The following DHRS12 variants were observed in gnomAD, a reference collection of about 807,000 sequenced individuals.
The protein encoded by DHRS12 is dehydrogenase/reductase SDR family member 12.
DHRS12 carries 29 observed loss-of-function variants against 32.1 expected under a neutral mutation model. The ratio of observed to expected loss-of-function variants is 0.90; its 90% CI spans 0.67 to 1.23. The LOEUF is 1.23. DHRS12 is among the 50% of genes most tolerant of loss of function. The pLI, the probability that DHRS12 is intolerant of heterozygous loss-of-function variation, is 0.00. For missense variants in DHRS12, 330 were observed against 337.2 expected (o/e 0.98, Z 0.17); for synonymous variants, 150 against 135.9 (o/e 1.10, Z -0.72).
chr13:51,758,116 C>A, the DHRS12 span: 1 of 1,211,056 alleles, frequency 8.3e-7, no homozygotes, highest in Non-Finnish European at 1.2e-6. Flanking sequence ...AAATTTAGAG[C>A]CTAATGTCAT....
At chr13:51,761,450 G>A in the DHRS12 span, 1 of 152,140 alleles carries the variant, frequency 6.6e-6, no homozygotes, top group South Asian at 2.1e-4. Context: ...TCACGTGTCG[G>A]GAGCATCAGG....
intron 1 of DHRS12, among the ~76,000 whole-genome samples, chr13:51,801,801 G>A (rs1955767896): frequency 6.6e-6 from 1 of 152,212 alleles, no homozygotes; most frequent in Non-Finnish European, 1.5e-5. Context: ...CAGGCCTGAA[G>A]AGCCCTTCTC....
At chr13:51,759,944 AAG>A in the DHRS12 span, 1 of 592,802 alleles carries the variant, frequency 1.7e-6, no homozygotes, top group South Asian at 2.6e-5. Context: ...GAGCACTCGC[AAG>A]GGGACTCTTC....
the DHRS12 span, chr13:51,762,199 C>T: frequency 1.3e-5 from 2 of 152,226 alleles, no homozygotes; most frequent in African/African-American, 4.8e-5. Context: ...ATTAGGGCAG[C>T]AAAGGCCCAG....
At chr13:51,766,745 C>A (rs980984709), downstream of DHRS12, 2 of 152,274 alleles carry the variant, frequency 1.3e-5, no homozygotes, top group Non-Finnish European at 2.9e-5. Flanking sequence ...GTACAACTCT[C>A]AATGCGGAGT....
At chr13:51,783,704 T>C (rs1449056006) in intron 4 of DHRS12, among the ~76,000 whole-genome samples, 2 of 152,164 alleles carry the variant, frequency 1.3e-5, no homozygotes, top group African/African-American at 4.8e-5. Context: ...GACCTCTTCT[T>C]AGCCCCCTAG....
chr13:51,793,494 A>G (rs757632659), intron 2 of DHRS12, among the ~76,000 whole-genome samples: 5 of 152,256 alleles, frequency 3.3e-5, no homozygotes, highest in Non-Finnish European at 7.3e-5. Context: ...CACCTGAGAC[A>G]AATGAGACAA....
the DHRS12 span, chr13:51,758,245 A>T: frequency 2.5e-6 from 4 of 1,602,906 alleles, no homozygotes; most frequent in Non-Finnish European, 3.4e-6. Flanking sequence ...GTGCATGTGC[A>T]TTTCGATGCA....
chr13:51,789,906 C>T, intron 4 of DHRS12, 105 bp downstream of exon 4: 2 of 1,408,648 alleles, frequency 1.4e-6, no homozygotes, highest in Non-Finnish European at 1.8e-6. Flanking sequence ...CGTCATCAGG[C>T]CCAGGACCAA....
rs1047376275 is a variant in DHRS12 at position 51,768,204 on chromosome 13, C to T, written c.790G>A (p.Ala264Thr). ...EKLIEILEQL[A>T]QTFK ...GGGTTGGCCTATTTAAATGTCTGAGCCAGCTGTTCCAGGATTTCAATGAGT... is the reference window on the plus strand; with the variant it reads ...GGGTTGGCCTATTTAAATGTCTGAGTCAGCTGTTCCAGGATTTCAATGAGT... Residue 264 changes from alanine (A) to threonine (T), a missense_variant, in exon 9 of 9, where the codon GCT becomes ACT. Transcript: ENST00000444610. 5.9e-6 allele frequency: 9 copies of T among 1,536,156 alleles called. No homozygotes were observed. Among genetic ancestry groups the T allele is most frequent in the Admixed American group, 3.9e-5 (2 of 51,000 alleles).
downstream of DHRS12, chr13:51,766,715 T>C (rs1377810338): frequency 1.3e-5 from 2 of 152,286 alleles, no homozygotes; most frequent in East Asian, 3.8e-4. Flanking sequence ...AACCAAAATA[T>C]ACGTGTAGCC....
chr13:51,800,512 G>A (rs1955703536), intron 1 of DHRS12, among the ~76,000 whole-genome samples: 1 of 152,250 alleles, frequency 6.6e-6, no homozygotes, highest in Admixed American at 6.5e-5. Flanking sequence ...CAGGCAGGCT[G>A]GGGTCTCAGA....
chr13:51,769,315 C>A (rs374934121), intron 7 of DHRS12, 22 bp from the exon 8 acceptor site: 2 of 1,492,018 alleles, frequency 1.3e-6, no homozygotes, highest in East Asian at 4.9e-5. Flanking sequence ...AAGGGTCAGG[C>A]GGATTAGGAC....
intron 2 of DHRS12, among the ~76,000 whole-genome samples, chr13:51,792,833 G>A (rs1003922724): frequency 6.6e-6 from 1 of 152,116 alleles, no homozygotes; most frequent in African/African-American, 2.4e-5. Context: ...AGAGGTCTTG[G>A]AGATGATTTT....
chr13:51,789,826 T>C, intron 4 of DHRS12, 185 bp downstream of exon 4: 2 of 985,262 alleles, frequency 2.0e-6, no homozygotes, highest in Non-Finnish European at 2.4e-6. Context: ...ACACCTATTA[T>C]AAGAAACATG....
chr13:51,786,379 C>T (rs1260183984), intron 4 of DHRS12, among the ~76,000 whole-genome samples: 1 of 152,216 alleles, frequency 6.6e-6, no homozygotes, highest in African/African-American at 2.4e-5. Context: ...CGCCCTCCCT[C>T]TCCCATCTGT....
chr13:51,770,653 A>T, intron 7 of DHRS12: 1 of 573,202 alleles, frequency 1.7e-6, no homozygotes, highest in Non-Finnish European at 2.2e-6. Flanking sequence ...TCAGATCTGT[A>T]CAGGTGAGGA....
chr13:51,772,864 T>A (rs1954095429), intron 6 of DHRS12: 19 of 985,308 alleles, frequency 1.9e-5, no homozygotes, highest in Non-Finnish European at 2.2e-5. Flanking sequence ...TGAGATGTAA[T>A]TCACCAGGAT....
downstream of DHRS12, chr13:51,764,681 TAGTATC>T (rs1953691848): frequency 6.6e-6 from 1 of 152,208 alleles, no homozygotes; most frequent in African/African-American, 2.4e-5. Context: ...TATATTATAA[TAGTATC>T]AGTTTCTTTT....
Sources: allele counts gnomAD v4.1 joint callset (sites outside exome capture counted in the v4.1 genomes callset), GRCh38; gene constraint gnomAD v4.1.1; transcripts MANE v1.5; gene names NCBI Gene and HGNC (gene_info 2026-07-23, HGNC 2026-07-21).